The following PTPRN variants were observed in gnomAD, a reference collection of about 807,000 sequenced individuals.
PTPRN encodes receptor-type tyrosine-protein phosphatase-like N.
In PTPRN, 70 loss-of-function variants were observed where a neutral mutation model predicts 108.5. That is an observed-to-expected ratio of 0.65 (90% CI 0.53 to 0.79). PTPRN has a LOEUF of 0.79. PTPRN is among the 30% of genes least tolerant of loss of function. The probability of loss-of-function intolerance (pLI) is 0.00; values close to 1 mark genes in which losing one functional copy is unlikely to be tolerated. For synonymous variants in PTPRN, 496 were observed against 524.6 expected (o/e 0.95, Z 0.75); for missense variants, 1,136 against 1,295.5 (o/e 0.88, Z 1.89).
chr2:219,306,103 A>C (rs191281254), intron 3 of PTPRN, among the ~76,000 whole-genome samples: 1 of 152,252 alleles, frequency 6.6e-6, no homozygotes, highest in Non-Finnish European at 1.5e-5. Flanking sequence ...TGAGCAAGAG[A>C]TTGCATCACT....
rs1952356280 is a variant in PTPRN, at chr2:219,301,845, G to A, written c.995-126C>T. The stretch of plus-strand genomic sequence containing the variant: ...GTCTTCCCAGACACCAGGACACCAA[G>A]AGATGCCCTCCCTTTCCCAGCCCTT... On this transcript the variant is annotated intron_variant, in intron 6 of 22. Transcript: ENST00000295718. 8 of 1,230,268 alleles carry A rather than the reference G, an allele frequency of 6.5e-6. No homozygotes were observed. In the East Asian group the frequency reaches 2.0e-4, roughly 31 times the overall value. 76.2% of individuals were successfully genotyped at this position (1,230,268 alleles called of 1,614,324 possible). A position where few individuals can be genotyped will look rare whatever the true frequency, so the allele number is the denominator to read the frequency against.
intron 1 of PTPRN, 42 bp downstream of exon 1, chr2:219,309,176 T>TGCCCCCCCCCCC: frequency 7.3e-7 from 1 of 1,364,356 alleles, no homozygotes. Flanking sequence ...CCCAAGCTGC[T>TGCCCCCCCCCCC]CCCCGCCCCC....
rs755593384 is a variant in PTPRN at position 219,290,300 on chromosome 2, G to A, written c.2869-3C>T. The A allele has an allele frequency of 7.4e-6, 12 of 1,613,604 alleles. No individual in the cohort carries two copies. The East Asian group carries it at 2.7e-4, about 36-fold the overall frequency. On this transcript the variant is annotated splice_polypyrimidine_tract_variant and splice_region_variant and intron_variant, in intron 22 of 22. Transcript: ENST00000295718. This position sits in a 1 kb window ranked among gnomAD's most constrained non-coding sequence, Gnocchi z 4.2. ...GTCAGGGCAAATTCAAACTGGTCCT[G>A]AGGAAGGGCAGTGGTAGGATGGTCA...
At position 219,299,972 on chromosome 2, in the gene PTPRN, A is replaced by G; in HGVS notation, c.1436+13T>C. On this transcript the variant is annotated intron_variant, in intron 9 of 22. Coordinates refer to ENST00000295718, the MANE Select transcript of PTPRN (RefSeq NM_002846.4). ...CTAGCAGACCAGAAAGCTTCCCAGG[A>G]TGCAGCCCTTACTTCTGATCAGTGA... The G allele has an allele frequency of 6.2e-7, 1 of 1,614,026 alleles. No individual in the cohort carries two copies. The highest frequency in any genetic ancestry group is 1.6e-4 in the Middle Eastern group (1 of 6,062).
Position 219,294,977 on chromosome 2 carries a change from G to C in PTPRN, c.2673C>G (p.Arg891=), listed in dbSNP as rs776912720. ...PASTRPLLDF[R]RKVNKCYRGR... is the part of the protein sequence containing the mutation. ...CAGGCGGGGGCGCCCGCGCTCACCTGCGGAAGTCCAGCAGGGGCCGCGTGG... is the reference window on the plus strand; with the variant it reads ...CAGGCGGGGGCGCCCGCGCTCACCTCCGGAAGTCCAGCAGGGGCCGCGTGG... Residue 891 remains arginine, a splice_region_variant and synonymous_variant, in exon 19 of 23, where the codon CGC becomes CGG. Transcript: ENST00000295718. The C allele has an allele frequency of 5.7e-6, 9 of 1,581,530 alleles. No homozygotes were observed. In the Admixed American group the frequency reaches 1.1e-4, roughly 19 times the overall value.
At position 219,302,643 on chromosome 2, in the gene PTPRN, G is replaced by A. The variant is rs763423211; in HGVS notation, c.572C>T (p.Pro191Leu). The A allele has an allele frequency of 9.9e-6, 16 of 1,613,858 alleles. No homozygotes were observed. The highest frequency in any genetic ancestry group is 1.3e-5 in the Non-Finnish European group (15 of 1,179,948). Residue 191 changes from proline to leucine, a missense_variant, in exon 5 of 23, where the codon CCC (proline) becomes CTC (leucine). Pro to Leu is a moderately conservative substitution (Grantham distance 98, BLOSUM62 -3). Transcript: ENST00000295718. Reference protein sequence around the residue: ...LPPLLEHLLLPPQPPHPSLSY... With the variant: ...LPPLLEHLLLLPQPPHPSLSY... ...CAGTGAAGGGTGGGGAGGCTGTGGG[G>A]GCAGCAGCAGGTGCTCCAAGAGAGG...
rs1447241666 is a variant in PTPRN at position 219,295,024 on chromosome 2, G to C, written c.2626C>G (p.Pro876Ala). The C allele has an allele frequency of 3.7e-6, 6 of 1,611,010 alleles. No individual in the cohort carries two copies. The highest frequency in any genetic ancestry group is 4.2e-6 in the Non-Finnish European group (5 of 1,178,596). ...GTGGAGGCCGGTGTGCCCTCTGCCG[G>C]CCAGCTGAGGAAGTGGAACTGCGTG... is the stretch of plus-strand genomic sequence containing the variant. ...TLTQFHFLSW[P>A]AEGTPASTRP... Residue 876 changes from proline (P) to alanine (A), a missense_variant, in exon 19 of 23, where the codon CCG becomes GCG. Physicochemically the swap from Pro to Ala is conservative, Grantham distance 27 (BLOSUM62 -1). Transcript: ENST00000295718.
At chr2:219,301,044 G>A (rs1256320780) in intron 7 of PTPRN, 67 bp from the exon 8 acceptor site, 1 of 1,499,962 alleles carries the variant, frequency 6.7e-7, no homozygotes, top group Non-Finnish European at 9.3e-7. Context: ...ACACAAGTGG[G>A]AGAAAGGGCC....
At position 219,297,143 on chromosome 2, in the gene PTPRN, A is replaced by G; in HGVS notation, c.2089-11T>C. 1 of 1,613,596 alleles carries G rather than the reference A, an allele frequency of 6.2e-7. No homozygotes were observed. On this transcript the variant is annotated splice_polypyrimidine_tract_variant and intron_variant, in intron 14 of 22. Coordinates refer to ENST00000295718, the MANE Select transcript of PTPRN (RefSeq NM_002846.4). The surrounding 1 kb of genome is among the most constrained non-coding windows in gnomAD (Gnocchi z 6.0). ...ATCCTCCATGTATGCCTGTGGGGGC[A>G]CCACGGTCTGGCTCTGGCCCACACA...
chr2:219,304,064 T>G (rs2125097025), intron 3 of PTPRN: 1 of 370,964 alleles, frequency 2.7e-6, no homozygotes, highest in Middle Eastern at 7.8e-4. Context: ...TTATGTAACC[T>G]TGGGCAAGTT....
In PTPRN at chr2:219,298,542, TA is replaced by T. The variant is rs572428143; in HGVS notation, c.1669-440del. On this transcript the variant is annotated intron_variant, in intron 12 of 22. Coordinates refer to ENST00000295718, the MANE Select transcript of PTPRN (RefSeq NM_002846.4). ...CAACATGGTGAAACCCCATCTCTAC[TA>T]AAAATACAAAAAAAAATTTAGCCGG... Among the ~76,000 whole-genome samples, 11 of 151,214 alleles carry T rather than the reference TA, an allele frequency of 7.3e-5. No homozygotes were observed. In the East Asian group the frequency reaches 2.1e-3, roughly 29 times the overall value.
chr2:219,290,939 GGGAGGGACGGA>G lies in PTPRN; in HGVS notation c.2730-60_2730-50del, dbSNP rs746571950. ...TTTAGCTTGAGATGCAGCAGAAAGG[GGGAGGGACGGA>G]GGAGGCGAGGAGGCCTGGAGGCCTG... On this transcript the variant is annotated intron_variant, in intron 20 of 22. Transcript: ENST00000295718. The surrounding 1 kb of genome is among the most constrained non-coding windows in gnomAD (Gnocchi z 4.2). The G allele has an allele frequency of 6.3e-7, 1 of 1,581,482 alleles. No individual in the cohort carries two copies. Among genetic ancestry groups the G allele is most frequent in the South Asian group, 1.1e-5 (1 of 90,360 alleles).
chr2:219,298,191 T>C, intron 12 of PTPRN, 88 bp from the exon 13 acceptor site: 1 of 1,295,336 alleles, frequency 7.7e-7, no homozygotes, highest in Admixed American at 1.8e-5. Context: ...CCACACCCCC[T>C]GTTAGGACAT....
In PTPRN at chr2:219,290,906, G is replaced by A. The variant is rs200323335; in HGVS notation, c.2730-16C>T. The A allele has an allele frequency of 5.0e-4, 814 of 1,612,944 alleles. No homozygotes were observed. The highest frequency in any genetic ancestry group is 6.3e-4 in the Non-Finnish European group (741 of 1,178,932). On this transcript the variant is annotated splice_polypyrimidine_tract_variant and intron_variant, in intron 20 of 22. Coordinates refer to ENST00000295718, the MANE Select transcript of PTPRN (RefSeq NM_002846.4). The surrounding 1 kb of genome is among the most constrained non-coding windows in gnomAD (Gnocchi z 4.2). ...CGCACCATCACTGAAACAGGAGTTA[G>A]TGACAGGTTTAGCTTGAGATGCAGC...
At position 219,302,749 on chromosome 2, in the gene PTPRN, G is replaced by T. The variant is rs558522378; in HGVS notation, c.466C>A (p.Arg156=). The change falls in exon 5 of 23, where the codon CGG becomes AGG. Residue 156 remains arginine, a synonymous_variant. Coordinates refer to ENST00000295718, the MANE Select transcript of PTPRN (RefSeq NM_002846.4). The part of the protein sequence containing the change: ...PTGSAPAAQH[R]LPQPPVGKGG... ...TTGCCCACTGGTGGTTGTGGAAGCC[G>T]ATGCTGGGCAGCAGGGGCGGAGCCA... 1 of 1,613,660 alleles carries T rather than the reference G, an allele frequency of 6.2e-7. No individual in the cohort carries two copies.
intron 19 of PTPRN, among the ~76,000 whole-genome samples, chr2:219,293,223 C>T (rs1278714173): frequency 1.3e-5 from 2 of 151,806 alleles, no homozygotes; most frequent in Non-Finnish European, 2.9e-5. Flanking sequence ...CTCTGTTGCC[C>T]AAGTGGCAGT....
At chr2:219,298,442 A>G (rs569371415) in intron 12 of PTPRN, among the ~76,000 whole-genome samples, 2 of 152,300 alleles carry the variant, frequency 1.3e-5, no homozygotes, top group African/African-American at 4.8e-5. Flanking sequence ...GGTGGCTCAC[A>G]CCTGTAATCT....
intron 18 of PTPRN, chr2:219,295,733 CT>C (rs1434897283): frequency 5.8e-5 from 9 of 155,740 alleles, no homozygotes; most frequent in African/African-American, 2.2e-4. Flanking sequence ...AAGTTTGTTT[CT>C]CTTTTACATT....
At chr2:219,300,392 G>A (rs1486864277) in intron 8 of PTPRN, 133 bp from the exon 9 acceptor site, 7 of 866,094 alleles carry the variant, frequency 8.1e-6, no homozygotes, top group African/African-American at 6.8e-5. Flanking sequence ...TGCAGTGCTG[G>A]GTACAGAGAG....
Sources: gnomAD v4.1 joint callset for allele counts (sites outside exome capture counted in the v4.1 genomes callset) on GRCh38, gnomAD v4.1.1 for gene constraint, Gnocchi (gnomAD v3.1) non-coding constraint, MANE v1.5 for transcripts, NCBI Gene and HGNC (gene_info 2026-07-23, HGNC 2026-07-21) for gene names.